CTLA4: variants seen among roughly 807,000 people sequenced by gnomAD.
The protein encoded by CTLA4 is cytotoxic T-lymphocyte protein 4.
A neutral mutation model predicts 20.4 loss-of-function variants in CTLA4; 3 were observed. The observed-to-expected ratio is 0.15, with a 90% CI of 0.07 to 0.38. The LOEUF (loss-of-function observed/expected upper bound fraction) is 0.38. Among genes scored for constraint, CTLA4 ranks in the 10% least tolerant of loss-of-function variants. The pLI is 1.00. For synonymous variants in CTLA4, 100 were observed against 105.2 expected (o/e 0.95, Z 0.30); for missense variants, 184 against 276.8 (o/e 0.66, Z 2.38).
At chr2:203,871,882 A>G (rs556239453) in intron 3 of CTLA4, among the ~76,000 whole-genome samples, 2 of 152,230 alleles carry the variant, frequency 1.3e-5, no homozygotes, top group East Asian at 3.9e-4. Flanking sequence ...CTCCTTCTCC[A>G]TGTCCCTCTC....
intron 1 of CTLA4, among the ~76,000 whole-genome samples, chr2:203,868,724 G>A (rs1688674686): frequency 6.6e-6 from 1 of 152,042 alleles, no homozygotes; most frequent in African/African-American, 2.4e-5. Flanking sequence ...ATACTTAATT[G>A]TTGCCTGACC....
intron 2 of CTLA4, 58 bp from the exon 3 acceptor site, chr2:203,871,320 G>A: frequency 4.1e-6 from 6 of 1,448,100 alleles, no homozygotes; most frequent in Non-Finnish European, 5.8e-6. Flanking sequence ...ATGTTGGGGA[G>A]TAGAGCCCTA....
chr2:203,870,867 G>A lies in CTLA4; in HGVS notation c.391G>A (p.Val131Met). The change falls in exon 2 of 4, where the codon GTG (valine) becomes ATG (methionine). Residue 131 changes from valine to methionine, a missense_variant. Val to Met is a conservative substitution (Grantham distance 21). Coordinates refer to ENST00000648405, the MANE Select transcript of CTLA4 (RefSeq NM_005214.5). This position sits in a 1 kb window ranked among gnomAD's most constrained non-coding sequence, Gnocchi z 5.3. Reference protein sequence around the residue: ...AMDTGLYICKVELMYPPPYYL... With the variant: ...AMDTGLYICKMELMYPPPYYL... ...GGACACGGGACTCTACATCTGCAAG[G>A]TGGAGCTCATGTACCCACCGCCATA... The A allele has an allele frequency of 1.2e-6, 2 of 1,614,178 alleles. No individual in the cohort carries two copies. The highest frequency in any genetic ancestry group is 1.7e-6 in the Non-Finnish European group (2 of 1,180,022).
In CTLA4 at chr2:203,870,239, C is replaced by T. The variant is rs1348294892; in HGVS notation, c.110-347C>T. On this transcript the variant is annotated intron_variant, in intron 1 of 3. Coordinates refer to ENST00000648405, the MANE Select transcript of CTLA4 (RefSeq NM_005214.5). This position sits in a 1 kb window ranked among gnomAD's most constrained non-coding sequence, Gnocchi z 5.3. ...TATCATCTCATCTAATTATCTCTTACTATATGTGAAAAAAATGAAGGACAT... is the reference window on the plus strand; with the variant it reads ...TATCATCTCATCTAATTATCTCTTATTATATGTGAAAAAAATGAAGGACAT... 3.0e-6 allele frequency: 1 copy of T among 328,954 alleles called. No individual in the cohort carries two copies. Among genetic ancestry groups the T allele is most frequent in the Non-Finnish European group, 5.7e-6 (1 of 174,744 alleles). The allele number at this position is 328,954 out of a possible 1,614,324, so 20.4% of individuals were successfully genotyped here. A position where few individuals can be genotyped will look rare whatever the true frequency, so the allele number is the denominator to read the frequency against.
rs60872763 is a variant in CTLA4 at position 203,873,327 on chromosome 2, CATATATATATATATATATATAT to C, written c.*550_*571del. 6,047 of 182,254 alleles carry C rather than the reference CATATATATATATATATATATAT, an allele frequency of 0.033. 186 individuals are homozygous for C. The highest frequency in any genetic ancestry group is 0.079 in the African/African-American group (2,404 of 30,614). 11.3% of individuals were successfully genotyped at this position (182,254 alleles called of 1,614,324 possible). On this transcript the variant is annotated 3_prime_UTR_variant, in exon 4 of 4. Transcript: ENST00000648405. ...TGCTAAAGGTTGTATTGCATATATA[CATATATATATATATATATATAT>C]ATATATATATATATATATATATATA...
chr2:203,873,010 G>A lies in CTLA4; in HGVS notation c.*198G>A. The A allele has an allele frequency of 1.7e-6, 1 of 584,130 alleles. No homozygotes were observed. Among genetic ancestry groups the A allele is most frequent in the East Asian group, 2.8e-5 (1 of 36,272 alleles). The allele number at this position is 584,130 out of a possible 1,614,324, so 36.2% of individuals were successfully genotyped here. A position where few individuals can be genotyped will look rare whatever the true frequency, so the allele number is the denominator to read the frequency against. On this transcript the variant is annotated 3_prime_UTR_variant, in exon 4 of 4. Transcript: ENST00000648405. Reference sequence around the variant, plus strand: ...AGGAGTAGAAAGACAGAGCTGGGATGTTTCTGTCACATCAGCTCCACTTTC... The same window carrying A: ...AGGAGTAGAAAGACAGAGCTGGGATATTTCTGTCACATCAGCTCCACTTTC...
Position 203,870,614 on chromosome 2 carries a change from A to C in CTLA4, c.138A>C (p.Val46=). ...TGCACGTGGCCCAGCCTGCTGTGGT[A>C]CTGGCCAGCAGCCGAGGCATCGCCA... is the stretch of plus-strand genomic sequence containing the variant. ...KAMHVAQPAV[V]LASSRGIASF... is the part of the protein sequence containing the mutation. Residue 46 remains valine, a synonymous_variant, in exon 2 of 4, where the codon GTA becomes GTC. Transcript: ENST00000648405. This position sits in a 1 kb window ranked among gnomAD's most constrained non-coding sequence, Gnocchi z 5.3. 1 of 1,614,110 alleles carries C rather than the reference A, an allele frequency of 6.2e-7. No individual in the cohort carries two copies. The highest frequency in any genetic ancestry group is 2.2e-5 in the East Asian group (1 of 44,852).
chr2:203,867,941 C>T lies in CTLA4; in HGVS notation c.-2C>T. ...AGACCTGAACACCGCTCCCATAAAG[C>T]CATGGCTTGCCTTGGATTTCAGCGG... On this transcript the variant is annotated 5_prime_UTR_variant, in exon 1 of 4. Coordinates refer to ENST00000648405, the MANE Select transcript of CTLA4 (RefSeq NM_005214.5). 6.2e-7 allele frequency: 1 copy of T among 1,613,254 alleles called. No individual in the cohort carries two copies. The highest frequency in any genetic ancestry group is 8.5e-7 in the Non-Finnish European group (1 of 1,179,202).
intron 3 of CTLA4, among the ~76,000 whole-genome samples, chr2:203,871,844 A>G (rs956471747): frequency 6.6e-6 from 1 of 152,218 alleles, no homozygotes; most frequent in African/African-American, 2.4e-5. Context: ...GAATGCTGCT[A>G]GAGAGGACCA....
rs1288344688 is a variant in CTLA4, at chr2:203,873,645, G to A, written c.*833G>A. On this transcript the variant is annotated 3_prime_UTR_variant, in exon 4 of 4. Coordinates refer to ENST00000648405, the MANE Select transcript of CTLA4 (RefSeq NM_005214.5). ...CATGTGCTTTGGGGCTTTTACACCAGTTCCTTTCAATGGTTTGCAAGGAAG... is the reference window on the plus strand; with the variant it reads ...CATGTGCTTTGGGGCTTTTACACCAATTCCTTTCAATGGTTTGCAAGGAAG... 1 of 219,176 alleles carries A rather than the reference G, an allele frequency of 4.6e-6. No homozygotes were observed. The allele number at this position is 219,176 out of a possible 1,614,324, so 13.6% of individuals were successfully genotyped here. A position where few individuals can be genotyped will look rare whatever the true frequency, so the allele number is the denominator to read the frequency against.
intron 2 of CTLA4, 78 bp from the exon 3 acceptor site, chr2:203,871,300 T>G (rs1688727646): frequency 7.6e-7 from 1 of 1,307,800 alleles, no homozygotes; most frequent in Non-Finnish European, 1.1e-6. Context: ...CTAATGTCCT[T>G]TTTTCACCAA....
rs536149078 is a variant in CTLA4 at position 203,867,926 on chromosome 2, A to G, written c.-17A>G. On this transcript the variant is annotated 5_prime_UTR_variant, in exon 1 of 4. Transcript: ENST00000648405. ...TGCTCTACTTCCTGAAGACCTGAAC[A>G]CCGCTCCCATAAAGCCATGGCTTGC... 65 of 1,604,560 alleles carry G rather than the reference A, an allele frequency of 4.1e-5. No homozygotes were observed. The highest frequency in any genetic ancestry group is 8.9e-5 in the East Asian group (4 of 44,830).
In CTLA4 at chr2:203,867,873, T is replaced by C. The variant is rs1233823330; in HGVS notation, c.-70T>C. ...TGATTCTGTGTGGGTTCAAACACAT[T>C]TCAAAGCTTCAGGATCCTGAAAGGT... is the stretch of plus-strand genomic sequence containing the variant. On this transcript the variant is annotated 5_prime_UTR_variant, in exon 1 of 4. Transcript: ENST00000648405. The C allele has an allele frequency of 2.6e-6, 3 of 1,161,138 alleles. No individual in the cohort carries two copies. The Admixed American group carries it at 5.8e-5, about 22-fold the overall frequency. The allele number at this position is 1,161,138 out of a possible 1,614,324, so 71.9% of individuals were successfully genotyped here. A position where few individuals can be genotyped will look rare whatever the true frequency, so the allele number is the denominator to read the frequency against.
Position 203,870,221 on chromosome 2 carries a change from T to A in CTLA4, c.110-365T>A, listed in dbSNP as rs1330390543. The A allele has an allele frequency of 6.9e-6, 2 of 288,022 alleles. No homozygotes were observed. Among genetic ancestry groups the A allele is most frequent in the Non-Finnish European group, 1.3e-5 (2 of 151,030 alleles). 17.8% of individuals were successfully genotyped at this position (288,022 alleles called of 1,614,324 possible). On this transcript the variant is annotated intron_variant, in intron 1 of 3. Coordinates refer to ENST00000648405, the MANE Select transcript of CTLA4 (RefSeq NM_005214.5). This position sits in a 1 kb window ranked among gnomAD's most constrained non-coding sequence, Gnocchi z 5.3. ...TTAGAATACCAGAGAACATATCATC[T>A]CATCTAATTATCTCTTACTATATGT...
Position 203,867,933 on chromosome 2 carries a change from C to G in CTLA4, c.-10C>G. On this transcript the variant is annotated 5_prime_UTR_variant, in exon 1 of 4. Coordinates refer to ENST00000648405, the MANE Select transcript of CTLA4 (RefSeq NM_005214.5). ...CTTCCTGAAGACCTGAACACCGCTC[C>G]CATAAAGCCATGGCTTGCCTTGGAT... is the stretch of plus-strand genomic sequence containing the variant. The G allele has an allele frequency of 6.2e-7, 1 of 1,610,128 alleles. No homozygotes were observed. The highest frequency in any genetic ancestry group is 8.5e-7 in the Non-Finnish European group (1 of 1,176,398).
At chr2:203,868,147 G>C in intron 1 of CTLA4, 96 bp downstream of exon 1, 2 of 942,700 alleles carry the variant, frequency 2.1e-6, no homozygotes, top group Non-Finnish European at 3.3e-6. Flanking sequence ...TTATAGCAAA[G>C]CCAGAAGTTA....
At chr2:203,871,246 G>C in intron 2 of CTLA4, 132 bp from the exon 3 acceptor site, 1 of 736,912 alleles carries the variant, frequency 1.4e-6, no homozygotes, top group Non-Finnish European at 2.3e-6. Context: ...CCTATTGGTG[G>C]GCTACCCATG....
At position 203,870,564 on chromosome 2, in the gene CTLA4, C is replaced by A. The variant is rs369257616; in HGVS notation, c.110-22C>A. On this transcript the variant is annotated intron_variant, in intron 1 of 3. Coordinates refer to ENST00000648405, the MANE Select transcript of CTLA4 (RefSeq NM_005214.5). This position sits in a 1 kb window ranked among gnomAD's most constrained non-coding sequence, Gnocchi z 5.3. The stretch of plus-strand genomic sequence containing the variant: ...TGAAGGAGCATGAGTTCACTGAGTT[C>A]CCTTTGGCTTTTCCATGCTAGCAAT... 4.4e-6 allele frequency: 7 copies of A among 1,608,324 alleles called. No homozygotes were observed. In the African/African-American group the frequency reaches 8.0e-5, roughly 18 times the overall value.
chr2:203,870,587 A>G lies in CTLA4; in HGVS notation c.111A>G (p.Ala37=). The G allele has an allele frequency of 6.2e-7, 1 of 1,612,728 alleles. No homozygotes were observed. The change falls in exon 2 of 4, where the codon GCA becomes GCG. Residue 37 remains alanine, a splice_region_variant and synonymous_variant. Transcript: ENST00000648405. This position sits in a 1 kb window ranked among gnomAD's most constrained non-coding sequence, Gnocchi z 5.3. ...FLLFIPVFCK[A]MHVAQPAVVL... is the part of the protein sequence containing the mutation. The stretch of plus-strand genomic sequence containing the variant: ...TTCCCTTTGGCTTTTCCATGCTAGC[A>G]ATGCACGTGGCCCAGCCTGCTGTGG...
Sources: gnomAD v4.1 joint callset for allele counts (sites outside exome capture counted in the v4.1 genomes callset) on GRCh38, gnomAD v4.1.1 for gene constraint, Gnocchi (gnomAD v3.1) non-coding constraint, MANE v1.5 for transcripts, NCBI Gene and HGNC (gene_info 2026-07-23, HGNC 2026-07-21) for gene names.